Variants in FGL1 observed in about 807,000 individuals in gnomAD.
The protein encoded by FGL1 is fibrinogen like 1.
A neutral mutation model predicts 43.7 loss-of-function variants in FGL1; 59 were observed. The ratio of observed to expected loss-of-function variants is 1.35; its 90% CI spans 1.10 to 1.68. The LOEUF (loss-of-function observed/expected upper bound fraction) is 1.68, where lower values mean the gene tolerates loss of function less well. Among genes scored for constraint, FGL1 ranks in the 40% most tolerant of loss-of-function variants. The probability of loss-of-function intolerance (pLI) is 0.00; values close to 1 mark genes in which losing one functional copy is unlikely to be tolerated. For synonymous variants in FGL1, 192 were observed against 126.5 expected (o/e 1.52, Z -3.48); for missense variants, 596 against 373.0 (o/e 1.60, Z -4.92).
In FGL1 at chr8:17,868,938, T is replaced by A. The variant is rs1563447354; in HGVS notation, c.569A>T (p.Asn190Ile). ...EKNSRYAQYKNFKVGDEKNFY... is the reference protein window; with the variant it reads ...EKNSRYAQYKIFKVGDEKNFY... ...TACCTTTTCATCTCCAACTTTGAAATTCTTATATTGTGCATAACGGCTATT... is the reference window on the plus strand; with the variant it reads ...TACCTTTTCATCTCCAACTTTGAAAATCTTATATTGTGCATAACGGCTATT... Residue 190 changes from asparagine to isoleucine, a missense_variant, in exon 6 of 8, where the codon AAT (asparagine) becomes ATT (isoleucine). Transcript: ENST00000427924. 2 of 1,601,236 alleles carry A rather than the reference T, an allele frequency of 1.2e-6. No individual in the cohort carries two copies. The highest frequency in any genetic ancestry group is 2.3e-5 in the South Asian group (2 of 87,296).
At chr8:17,888,916 C>G (rs1056057754) in intron 1 of FGL1, among the ~76,000 whole-genome samples, 1 of 152,196 alleles carries the variant, frequency 6.6e-6, no homozygotes, top group Non-Finnish European at 1.5e-5. Flanking sequence ...ATCCCTGTCA[C>G]TAGAAAATGA....
At chr8:17,877,190 T>C (rs2053469302) in intron 3 of FGL1, among the ~76,000 whole-genome samples, 1 of 152,062 alleles carries the variant, frequency 6.6e-6, no homozygotes, top group South Asian at 2.1e-4. Context: ...GGAGAATAGG[T>C]AGAAGAAAGG....
At chr8:17,868,822 T>G in intron 6 of FGL1, 87 bp from the exon 7 acceptor site, 1 of 1,473,060 alleles carries the variant, frequency 6.8e-7, no homozygotes, top group Non-Finnish European at 9.2e-7. Context: ...AAAGAACAGG[T>G]TCTATTGTAT....
chr8:17,885,480 CAAG>C lies in FGL1; in HGVS notation c.63+9_63+11del, dbSNP rs755175584. 8.9e-5 allele frequency: 143 copies of C among 1,603,582 alleles called. No homozygotes were observed. Among genetic ancestry groups the C allele is most frequent in the Non-Finnish European group, 1.2e-4 (141 of 1,171,630 alleles). ...ATTATAAATATGACAATAGTTTTCC[CAAG>C]AAGCTTACCGAAATTTCCCTGCCCA... On this transcript the variant is annotated intron_variant, in intron 2 of 7. Coordinates refer to ENST00000427924, the MANE Select transcript of FGL1 (RefSeq NM_004467.4).
At chr8:17,876,336 A>G (rs1238391148) in intron 3 of FGL1, among the ~76,000 whole-genome samples, 3 of 152,188 alleles carry the variant, frequency 2.0e-5, no homozygotes, top group Admixed American at 6.5e-5. Context: ...AAGTAGGTGA[A>G]TAGGCCATAG....
intron 1 of FGL1, among the ~76,000 whole-genome samples, chr8:17,887,834 CAAAA>C (rs35899868): frequency 7.0e-6 from 1 of 143,606 alleles, no homozygotes; most frequent in African/African-American, 2.6e-5. Context: ...GACTCCATCT[CAAAA>C]AAAAAAAAAA....
rs372477365 is a variant in FGL1 at position 17,870,163 on chromosome 8, C to G, written c.503-1159G>C. ...ATACAATGTATTGGGTACATATTAT[C>G]TTTTATATATGCTAAAGAATGATAT... On this transcript the variant is annotated intron_variant, in intron 5 of 7. Coordinates refer to ENST00000427924, the MANE Select transcript of FGL1 (RefSeq NM_004467.4). Among the ~76,000 whole-genome samples, 2 of 152,082 alleles carry G rather than the reference C, an allele frequency of 1.3e-5. 1 individual carries two copies. The highest frequency in any genetic ancestry group is 4.8e-5 in the African/African-American group (2 of 41,502).
At chr8:17,867,835 C>T (rs2653418) in intron 7 of FGL1, among the ~76,000 whole-genome samples, 98,363 of 152,082 alleles carry the variant, frequency 0.65, 33,027 homozygotes, top group Non-Finnish European at 0.76. Flanking sequence ...TTTGGGAGGC[C>T]GGGGTAGGTG....
intron 2 of FGL1, among the ~76,000 whole-genome samples, chr8:17,883,005 A>G (rs1168364974): frequency 2.1e-5 from 2 of 96,866 alleles, no homozygotes; most frequent in African/African-American, 5.4e-5. Flanking sequence ...TATGTAATAT[A>G]TTAAATATAT....
chr8:17,894,101 T>C (rs1043104477), intron 1 of FGL1, among the ~76,000 whole-genome samples: 3 of 147,038 alleles, frequency 2.0e-5, no homozygotes, highest in Admixed American at 6.7e-5. Context: ...GATGAAGACA[T>C]TAAATTTGTA....
At position 17,864,752 on chromosome 8, in the gene FGL1, C is replaced by A; in HGVS notation, c.780-1G>T. The A allele has an allele frequency of 6.8e-7, 1 of 1,461,922 alleles. No homozygotes were observed. The highest frequency in any genetic ancestry group is 9.1e-7 in the Non-Finnish European group (1 of 1,102,830). The allele number at this position is 1,461,922 out of a possible 1,614,324, so 90.6% of individuals were successfully genotyped here. On this transcript the variant is annotated splice_acceptor_variant, in intron 7 of 7. Coordinates refer to ENST00000427924, the MANE Select transcript of FGL1 (RefSeq NM_004467.4). LOFTEE classifies it high-confidence loss of function. The stretch of plus-strand genomic sequence containing the variant: ...ACCATTCAGGTTTGCAGAGTGACAC[C>A]TAGTGGAAGGGAGAAAAAAAAAGAA...
intron 5 of FGL1, among the ~76,000 whole-genome samples, chr8:17,871,043 C>T (rs1332196996): frequency 2.0e-5 from 3 of 152,002 alleles, no homozygotes; most frequent in Non-Finnish European, 4.4e-5. Context: ...ACTGGAGTCC[C>T]TTTAAGAGGT....
chr8:17,889,683 G>C (rs965086104), intron 1 of FGL1, among the ~76,000 whole-genome samples: 2 of 152,088 alleles, frequency 1.3e-5, no homozygotes, highest in African/African-American at 4.8e-5. Flanking sequence ...TCAGCCTCTG[G>C]GGATATCCCC....
chr8:17,873,374 T>G (rs1236147786), intron 5 of FGL1, among the ~76,000 whole-genome samples: 1 of 152,058 alleles, frequency 6.6e-6, no homozygotes, highest in Non-Finnish European at 1.5e-5. Flanking sequence ...GTTGAATCCT[T>G]CCATCCCAGA....
At chr8:17,893,298 G>C (rs2053731763) in intron 1 of FGL1, among the ~76,000 whole-genome samples, 1 of 151,972 alleles carries the variant, frequency 6.6e-6, no homozygotes, top group Non-Finnish European at 1.5e-5. Flanking sequence ...TGCATAAATG[G>C]AAGTATGTTT....
chr8:17,895,303 A>G (rs1169211560), intron 1 of FGL1, 144 bp downstream of exon 1: 3 of 1,083,966 alleles, frequency 2.8e-6, no homozygotes, highest in Non-Finnish European at 3.4e-6. Context: ...TTCTCCAAGT[A>G]GCAGAAGCAG....
chr8:17,869,881 G>C (rs563783315), intron 5 of FGL1, among the ~76,000 whole-genome samples: 3 of 152,132 alleles, frequency 2.0e-5, no homozygotes, highest in African/African-American at 4.8e-5. Flanking sequence ...AGGCCGAGGC[G>C]GGCGGATCAC....
intron 1 of FGL1, among the ~76,000 whole-genome samples, chr8:17,892,037 A>G (rs1014682009): frequency 2.6e-5 from 4 of 152,192 alleles, no homozygotes; most frequent in Middle Eastern, 3.2e-3. Context: ...CTATCTCATA[A>G]TAAGTTTTTA....
chr8:17,875,750 A>C (rs2053447243), intron 3 of FGL1, among the ~76,000 whole-genome samples: 1 of 151,898 alleles, frequency 6.6e-6, no homozygotes, highest in Non-Finnish European at 1.5e-5. Context: ...GATCACAGCC[A>C]CGCACCTACA....
Sources: gnomAD v4.1 joint callset for allele counts (sites outside exome capture counted in the v4.1 genomes callset) on GRCh38, gnomAD v4.1.1 for gene constraint, MANE v1.5 for transcripts, NCBI Gene and HGNC (gene_info 2026-07-23, HGNC 2026-07-21) for gene names.